The following BICRA variants were observed in gnomAD, a reference collection of about 807,000 sequenced individuals.
BICRA encodes BRD4 interacting chromatin remodeling complex associated protein, also known as BRD4-interacting chromatin-remodeling complex-associated protein.
A neutral mutation model predicts 96.9 loss-of-function variants in BICRA; 31 were observed. That is an observed-to-expected ratio of 0.32 (90% CI 0.24 to 0.43). BICRA has a LOEUF of 0.43. BICRA is among the 20% of genes least tolerant of loss of function. The pLI is 1.00. For missense variants in BICRA, 2,283 were observed against 2,190.3 expected (o/e 1.04, Z -0.84); for synonymous variants, 1,350 against 1,071.8 (o/e 1.26, Z -5.07).
chr19:47,701,401 C>A lies in BICRA; in HGVS notation c.3669C>A (p.Gly1223=). ...CTTCCGAGGGTCATCGGCTTCCCGG[C>A]CACGGCCCCCTGTCGTCTTCAGCTC... ...AASSEGHRLP[G]HGPLSSSAPG... The change falls in exon 15 of 15, where the codon GGC becomes GGA. Residue 1223 remains glycine (G), a synonymous_variant. Transcript: ENST00000594866. This position sits in a 1 kb window ranked among gnomAD's most constrained non-coding sequence, Gnocchi z 5.4. The A allele has an allele frequency of 6.2e-7, 1 of 1,602,954 alleles. No individual in the cohort carries two copies. The highest frequency in any genetic ancestry group is 8.5e-7 in the Non-Finnish European group (1 of 1,175,680).
At chr19:47,613,238 G>A (rs1025096696) in intron 1 of BICRA, among the ~76,000 whole-genome samples, 2 of 152,114 alleles carry the variant, frequency 1.3e-5, no homozygotes, top group South Asian at 2.1e-4. Flanking sequence ...CCAGGTTCCC[G>A]TGGGCCACCT....
rs867016878 is a variant in BICRA, at chr19:47,702,570, C to G, written c.*155C>G. Reference sequence around the variant, plus strand: ...TCACAAAGGCCTCCTTCCCTGCCGCCTGCTTCAGCTGGGTTGCTGGGGGGT... The same window carrying G: ...TCACAAAGGCCTCCTTCCCTGCCGCGTGCTTCAGCTGGGTTGCTGGGGGGT... On this transcript the variant is annotated 3_prime_UTR_variant, in exon 15 of 15. Coordinates refer to ENST00000594866, the MANE Select transcript of BICRA (RefSeq NM_001394372.1). The G allele has an allele frequency of 9.3e-6, 8 of 862,522 alleles. No individual in the cohort carries two copies. The East Asian group carries it at 2.3e-4, about 25-fold the overall frequency. 53.4% of individuals were successfully genotyped at this position (862,522 alleles called of 1,614,324 possible).
intron 1 of BICRA, among the ~76,000 whole-genome samples, chr19:47,636,341 G>C (rs1223323568): frequency 2.6e-5 from 4 of 151,998 alleles, no homozygotes; most frequent in African/African-American, 4.8e-5. Context: ...TGAGGATCTG[G>C]GACTACAGGC....
Position 47,699,411 on chromosome 19 carries a change from A to T in BICRA, c.3595+6A>T. On this transcript the variant is annotated splice_donor_region_variant and intron_variant, in intron 14 of 14. Coordinates refer to ENST00000594866, the MANE Select transcript of BICRA (RefSeq NM_001394372.1). This position sits in a 1 kb window ranked among gnomAD's most constrained non-coding sequence, Gnocchi z 5.0. The stretch of plus-strand genomic sequence containing the variant: ...GCTGGCCAAGGAGAAGCCGGGTGAG[A>T]GGGGGGAGTGAGAGGGGAGGGGAGG... The T allele has an allele frequency of 1.5e-6, 2 of 1,371,878 alleles. No individual in the cohort carries two copies. Among genetic ancestry groups the T allele is most frequent in the Non-Finnish European group, 2.0e-6 (2 of 982,422 alleles). The allele number at this position is 1,371,878 out of a possible 1,614,324, so 85.0% of individuals were successfully genotyped here. A position where few individuals can be genotyped will look rare whatever the true frequency, so the allele number is the denominator to read the frequency against.
chr19:47,673,684 C>G, intron 3 of BICRA, 36 bp from the exon 4 acceptor site: 1 of 1,602,784 alleles, frequency 6.2e-7, no homozygotes, highest in Non-Finnish European at 8.5e-7. Flanking sequence ...TCCCCAGCTC[C>G]TTACCTCCTC....
At chr19:47,654,666 G>T (rs1453838050) in intron 1 of BICRA, among the ~76,000 whole-genome samples, 1 of 151,918 alleles carries the variant, frequency 6.6e-6, no homozygotes, top group Middle Eastern at 3.4e-3. Context: ...AAACATAACT[G>T]TAAGGCCAGG....
chr19:47,695,407 G>T lies in BICRA; in HGVS notation c.3119G>T (p.Ser1040Ile). 1 of 1,570,300 alleles carries T rather than the reference G, an allele frequency of 6.4e-7. No homozygotes were observed. The highest frequency in any genetic ancestry group is 2.4e-5 in the East Asian group (1 of 42,500). ...CCAGCCGAGAACAAGGCTTTTGCCA[G>T]CAACCTCCCGACCCTGAATGTGGCC... ...LLPAENKAFA[S>I]NLPTLNVAKA... Residue 1040 changes from serine (S) to isoleucine (I), a missense_variant, in exon 10 of 15, where the codon AGC (serine) becomes ATC (isoleucine). Physicochemically the swap from Ser to Ile is moderately radical, Grantham distance 142 (BLOSUM62 -2). Transcript: ENST00000594866.
At chr19:47,695,286 A>C in intron 9 of BICRA, 79 bp from the exon 10 acceptor site, 1 of 807,894 alleles carries the variant, frequency 1.2e-6, no homozygotes, top group South Asian at 1.6e-5. Flanking sequence ...GGTGGGGTAC[A>C]GGATGGGGCT....
At chr19:47,689,720 C>T (rs1973212812) in intron 7 of BICRA, among the ~76,000 whole-genome samples, 1 of 152,132 alleles carries the variant, frequency 6.6e-6, no homozygotes, top group South Asian at 2.1e-4. Flanking sequence ...GGCCACCTGG[C>T]CTAATTTTTG....
intron 1 of BICRA, among the ~76,000 whole-genome samples, chr19:47,668,413 G>T (rs1021750077): frequency 1.3e-5 from 2 of 151,532 alleles, no homozygotes; most frequent in African/African-American, 4.9e-5. Flanking sequence ...CTGATGTCTT[G>T]TTTCAGCTCA....
chr19:47,648,565 G>A (rs1343057693), intron 1 of BICRA, among the ~76,000 whole-genome samples: 1 of 151,818 alleles, frequency 6.6e-6, no homozygotes, highest in Non-Finnish European at 1.5e-5. Flanking sequence ...GACGGCCCTG[G>A]TGACACTCGA....
intron 1 of BICRA, among the ~76,000 whole-genome samples, chr19:47,632,571 G>A (rs1318052085): frequency 6.6e-6 from 1 of 152,222 alleles, no homozygotes; most frequent in Non-Finnish European, 1.5e-5. Context: ...GAGGTGGAGT[G>A]TATTGGACTG....
At chr19:47,661,213 C>CAAAAAAAAAAAAAAAAA (rs58327756) in intron 1 of BICRA, among the ~76,000 whole-genome samples, 1 of 76,486 alleles carries the variant, frequency 1.3e-5, no homozygotes. Flanking sequence ...GACTCCGTCT[C>CAAAAAAAAAAAAAAAAA]AAAAAAAAAA....
At chr19:47,615,202 T>C (rs1971965061) in intron 1 of BICRA, among the ~76,000 whole-genome samples, 1 of 152,202 alleles carries the variant, frequency 6.6e-6, no homozygotes, top group Non-Finnish European at 1.5e-5. Flanking sequence ...CAGGCTGGTC[T>C]TGAAATCCTG....
In BICRA at chr19:47,610,617, C is replaced by CCACA. The variant is rs1555783200; in HGVS notation, c.-108+1457_-108+1460dup. Reference sequence around the variant, plus strand: ...ATCGTCCCCTTTTGTCACCCCCCCCCCACACACACACCTACCTACCCACCC... The same window carrying CCACA: ...ATCGTCCCCTTTTGTCACCCCCCCCCCACACACACACACACCTACCTACCCACCC... On this transcript the variant is annotated intron_variant, in intron 1 of 14. Coordinates refer to ENST00000594866, the MANE Select transcript of BICRA (RefSeq NM_001394372.1). Among the ~76,000 whole-genome samples the CCACA allele has an allele frequency of 2.3e-3, 334 of 146,512 alleles. 3 individuals carry two copies. The highest frequency in any genetic ancestry group is 0.013 in the East Asian group (61 of 4,868).
intron 1 of BICRA, among the ~76,000 whole-genome samples, chr19:47,642,476 G>A (rs1972398475): frequency 6.6e-6 from 1 of 152,164 alleles, no homozygotes; most frequent in Admixed American, 6.5e-5. Context: ...TGAGGCGAGA[G>A]GACTGCTTGT....
chr19:47,609,670 G>A (rs1439843966), intron 1 of BICRA, among the ~76,000 whole-genome samples: 1 of 151,852 alleles, frequency 6.6e-6, no homozygotes, highest in Non-Finnish European at 1.5e-5. Flanking sequence ...GGAAGGCGAA[G>A]GCCACCGGGC....
rs1210974406 is a variant in BICRA, at chr19:47,678,415, CTTTATT to C, written c.151-902_151-897del. 4.6e-5 allele frequency among the ~76,000 whole-genome samples: 7 copies of C among 152,114 alleles called. No homozygotes were observed. The East Asian group carries it at 1.4e-3, about 29-fold the overall frequency. ...ACAGGTGTGAGCCACCGTGCCTAGA[CTTTATT>C]TTTGTTTTTTGGGCGTCAGCTGGTA... On this transcript the variant is annotated intron_variant, in intron 5 of 14. Transcript: ENST00000594866.
intron 1 of BICRA, among the ~76,000 whole-genome samples, chr19:47,664,468 C>T (rs1261340458): frequency 6.6e-6 from 1 of 152,200 alleles, no homozygotes; most frequent in Non-Finnish European, 1.5e-5. Flanking sequence ...TTCAGAATCA[C>T]AGGGTCTGAG....
Sources: gnomAD v4.1 joint callset for allele counts (sites outside exome capture counted in the v4.1 genomes callset) on GRCh38, gnomAD v4.1.1 for gene constraint, Gnocchi (gnomAD v3.1) non-coding constraint, MANE v1.5 for transcripts, NCBI Gene and HGNC (gene_info 2026-07-23, HGNC 2026-07-21) for gene names.